CHODL: variants seen among roughly 807,000 people sequenced by gnomAD.
CHODL encodes transmembrane protein MT75.
CHODL carries 29 observed loss-of-function variants against 34.5 expected under a neutral mutation model. That is an observed-to-expected ratio of 0.84 (90% CI 0.63 to 1.15). The LOEUF (loss-of-function observed/expected upper bound fraction) is 1.15, where lower values mean the gene tolerates loss of function less well. Among genes scored for constraint, CHODL ranks in the 50% most tolerant of loss-of-function variants. CHODL has a pLI of 0.00. For missense variants in CHODL, 332 were observed against 332.5 expected (o/e 1.00, Z 0.01); for synonymous variants, 125 against 116.1 (o/e 1.08, Z -0.49).
At chr21:18,209,962 A>G (rs1306527006) in intron 2 of CHODL, among the ~76,000 whole-genome samples, 1 of 152,134 alleles carries the variant, frequency 6.6e-6, no homozygotes, top group Admixed American at 6.5e-5. Flanking sequence ...TTTCTCCTGG[A>G]GCTGCAAGCT....
chr21:17,996,151 G>A (rs1038238783), intron 1 of CHODL, among the ~76,000 whole-genome samples: 60 of 151,770 alleles, frequency 4.0e-4, no homozygotes, highest in African/African-American at 1.4e-3. Context: ...CTCAAATGCA[G>A]TCAGTTATAT....
chr21:17,974,549 C>T (rs908656089), intron 1 of CHODL, among the ~76,000 whole-genome samples: 12 of 152,076 alleles, frequency 7.9e-5, no homozygotes, highest in African/African-American at 1.2e-4. Context: ...CGAGTACAAG[C>T]GTGAACCACC....
At chr21:18,084,923 G>GTGTGTGTGTGTGTA (rs1489801120) in intron 2 of CHODL, among the ~76,000 whole-genome samples, 10 of 42,856 alleles carry the variant, frequency 2.3e-4, no homozygotes, top group African/African-American at 6.8e-4. Context: ...TAGTAATAGT[G>GTGTGTGTGTGTGTA]TGTGTGTGTG....
intron 2 of CHODL, among the ~76,000 whole-genome samples, chr21:18,234,184 T>C (rs570204365): frequency 6.6e-6 from 1 of 152,232 alleles, no homozygotes; most frequent in Admixed American, 6.5e-5. Context: ...ATGCGCTACT[T>C]TTACTCTGTG....
chr21:17,955,303 A>C (rs73323212), intron 1 of CHODL, among the ~76,000 whole-genome samples: 2,327 of 137,748 alleles, frequency 0.017, 248 homozygotes, highest in African/African-American at 0.054. Context: ...GTGAATGATT[A>C]AATGGCTATT....
Position 18,195,028 on chromosome 21 carries a change from A to ATTTATTTAT in CHODL, c.-44-61479_-44-61478insTATTTATTT, listed in dbSNP as rs752194354. Among the ~76,000 whole-genome samples the ATTTATTTAT allele has an allele frequency of 1.2e-3, 169 of 144,072 alleles. 1 individual carries two copies. Among genetic ancestry groups the ATTTATTTAT allele is most frequent in the South Asian group, 5.1e-3 (23 of 4,520 alleles). 94.5% of individuals were successfully genotyped at this position (144,072 alleles called of 152,430 possible). A position where few individuals can be genotyped will look rare whatever the true frequency, so the allele number is the denominator to read the frequency against. On this transcript the variant is annotated intron_variant, in intron 2 of 6. Coordinates refer to the CHODL transcript ENST00000400127. ...CAATACATTGTTATTAATACAATAC[A>ATTTATTTAT]TTATTTATTTATTTATTTATTTATT...
intron 2 of CHODL, among the ~76,000 whole-genome samples, chr21:18,158,477 T>C (rs1252672634): frequency 1.3e-5 from 2 of 152,212 alleles, no homozygotes; most frequent in African/African-American, 2.4e-5. Flanking sequence ...GCATCTTCCA[T>C]TTACATTTTC....
intron 2 of CHODL, chr21:18,114,722 C>A (rs2065391814): frequency 6.6e-6 from 1 of 152,284 alleles, no homozygotes; most frequent in African/African-American, 2.4e-5. Context: ...AGGCATGGGC[C>A]ACCACGGCCG....
chr21:18,149,879 C>T (rs1251064963), intron 2 of CHODL, among the ~76,000 whole-genome samples: 1 of 152,164 alleles, frequency 6.6e-6, no homozygotes, highest in Non-Finnish European at 1.5e-5. Flanking sequence ...CAAAAAGAGT[C>T]AAACTCTGTA....
At chr21:18,248,792 A>ATG (rs2074188358) in intron 1 of CHODL, among the ~76,000 whole-genome samples, 2 of 122,070 alleles carry the variant, frequency 1.6e-5, no homozygotes, top group African/African-American at 6.6e-5. Context: ...GTATATATGT[A>ATG]TATGTGTGTA....
At chr21:18,193,601 CAGG>C (rs2146695174) in intron 2 of CHODL, among the ~76,000 whole-genome samples, 1 of 151,192 alleles carries the variant, frequency 6.6e-6, no homozygotes, top group African/African-American at 2.4e-5. Flanking sequence ...GAGGCTGAGG[CAGG>C]AGATTTGTTT....
intron 2 of CHODL, among the ~76,000 whole-genome samples, chr21:18,159,256 C>T (rs1481697922): frequency 6.6e-6 from 1 of 152,156 alleles, no homozygotes; most frequent in Non-Finnish European, 1.5e-5. Context: ...TTGACAAACC[C>T]TGGCATAAGG....
chr21:18,250,273 T>C (rs1351661651), intron 1 of CHODL, among the ~76,000 whole-genome samples: 2 of 152,022 alleles, frequency 1.3e-5, no homozygotes, highest in East Asian at 3.9e-4. Flanking sequence ...CAATGATACT[T>C]GGTTTACTAC....
chr21:18,146,720 C>G (rs901199393), intron 2 of CHODL, among the ~76,000 whole-genome samples: 6 of 152,094 alleles, frequency 3.9e-5, no homozygotes, highest in Non-Finnish European at 8.8e-5. Context: ...CATTTTTTAC[C>G]GATATCTCTC....
chr21:18,195,925 G>C (rs1005088047), intron 2 of CHODL, among the ~76,000 whole-genome samples: 1 of 152,094 alleles, frequency 6.6e-6, no homozygotes, highest in African/African-American at 2.4e-5. Context: ...CTTCCAAGTG[G>C]GTTATGAGGA....
At chr21:18,181,563 C>T (rs557678192) in intron 2 of CHODL, among the ~76,000 whole-genome samples, 5 of 152,226 alleles carry the variant, frequency 3.3e-5, no homozygotes, top group East Asian at 1.9e-4. Flanking sequence ...CCACCACGCC[C>T]GGCTAATTTT....
chr21:18,119,170 C>T (rs763189721), intron 2 of CHODL, among the ~76,000 whole-genome samples: 7 of 151,982 alleles, frequency 4.6e-5, no homozygotes, highest in Non-Finnish European at 1.0e-4. Flanking sequence ...AGCATCATCA[C>T]TCTCAACATA....
At chr21:17,930,029 A>G (rs1462508903) in intron 1 of CHODL, among the ~76,000 whole-genome samples, 1 of 152,082 alleles carries the variant, frequency 6.6e-6, no homozygotes, top group Non-Finnish European at 1.5e-5. Flanking sequence ...CACCCTTCTG[A>G]GAGCCCAGCC....
At chr21:17,952,502 G>T (rs1202264877) in intron 1 of CHODL, among the ~76,000 whole-genome samples, 1 of 151,946 alleles carries the variant, frequency 6.6e-6, no homozygotes, top group African/African-American at 2.4e-5. Flanking sequence ...CCTTAAAAAT[G>T]AAGAAAATAG....
Sources: gnomAD v4.1 joint callset for allele counts (sites outside exome capture counted in the v4.1 genomes callset) on GRCh38, gnomAD v4.1.1 for gene constraint, MANE v1.5 for transcripts, NCBI Gene and HGNC (gene_info 2026-07-23, HGNC 2026-07-21) for gene names.